CD300E: variants seen among roughly 807,000 people sequenced by gnomAD.
CD300E encodes CD300e molecule.
Under a neutral mutation model 20.9 loss-of-function variants are expected in CD300E, and 14 were observed. That is an observed-to-expected ratio of 0.67 (90% CI 0.44 to 1.05). The LOEUF (loss-of-function observed/expected upper bound fraction) is 1.05. CD300E is among the 50% of genes least tolerant of loss of function. The probability of loss-of-function intolerance (pLI) is 0.00; values close to 1 mark genes in which losing one functional copy is unlikely to be tolerated. For synonymous variants in CD300E, 102 were observed against 103.7 expected (o/e 0.98, Z 0.10); for missense variants, 237 against 253.9 (o/e 0.93, Z 0.45).
Position 74,617,081 on chromosome 17 carries a change from C to T in CD300E, c.388+37G>A. 2.5e-6 allele frequency: 4 copies of T among 1,590,978 alleles called. No homozygotes were observed. In the South Asian group the frequency reaches 4.4e-5, roughly 18 times the overall value. On this transcript the variant is annotated intron_variant, in intron 2 of 3. Transcript: ENST00000392619. ...ACCCTTGTTCCCTTGTCCAGTCGCACCCCAAACCCTGCTGCCAAAGTGAGG... is the reference window on the plus strand; with the variant it reads ...ACCCTTGTTCCCTTGTCCAGTCGCATCCCAAACCCTGCTGCCAAAGTGAGG...
rs546418975 is a variant in CD300E, at chr17:74,614,063, G to A, written c.389-30C>T. On this transcript the variant is annotated intron_variant, in intron 2 of 3. Transcript: ENST00000392619. ...TGGAGATGAAAATGATGCATCAGCCGTGCCTGGGCTCCCAGCCATGCACAG... is the reference window on the plus strand; with the variant it reads ...TGGAGATGAAAATGATGCATCAGCCATGCCTGGGCTCCCAGCCATGCACAG... The A allele has an allele frequency of 9.0e-5, 140 of 1,547,540 alleles. 1 individual carries two copies. The highest frequency in any genetic ancestry group is 6.8e-4 in the South Asian group (61 of 89,276).
At chr17:74,614,168 C>T (rs1219997633) in intron 2 of CD300E, 135 bp from the exon 3 acceptor site, 8 of 707,406 alleles carry the variant, frequency 1.1e-5, no homozygotes, top group Non-Finnish European at 1.9e-5. Context: ...ATCCAGGGCA[C>T]CTCCTGGGTG....
intron 3 of CD300E, 45 bp downstream of exon 3, chr17:74,613,879 AC>A: frequency 7.4e-7 from 1 of 1,358,178 alleles, no homozygotes; most frequent in Non-Finnish European, 1.0e-6. Context: ...CCCAGCTTCC[AC>A]CCCAGGGTTG....
chr17:74,611,017 T>C lies in CD300E; in HGVS notation c.*1636A>G, dbSNP rs377447134. The C allele has an allele frequency of 6.6e-6, 1 of 152,272 alleles. No individual in the cohort carries two copies. The highest frequency in any genetic ancestry group is 2.4e-5 in the African/African-American group (1 of 41,434). 9.4% of individuals were successfully genotyped at this position (152,272 alleles called of 1,614,324 possible). On this transcript the variant is annotated 3_prime_UTR_variant, in exon 4 of 4. Transcript: ENST00000392619. ...TGACCTGGCCAGCTTGGCATGATATTCTCCTCACCAACCCCCTGACATCAG... is the reference window on the plus strand; with the variant it reads ...TGACCTGGCCAGCTTGGCATGATATCCTCCTCACCAACCCCCTGACATCAG...
At chr17:74,620,541 G>A (rs1017581141) in intron 1 of CD300E, among the ~76,000 whole-genome samples, 2 of 152,116 alleles carry the variant, frequency 1.3e-5, no homozygotes, top group Non-Finnish European at 2.9e-5. Flanking sequence ...TACTCAGGAG[G>A]CTGAGGCAGG....
Position 74,617,238 on chromosome 17 carries a change from TCA to T in CD300E, c.266_267del (p.Val89AspfsTer7), listed in dbSNP as rs2030921693. On this transcript the variant is annotated frameshift_variant, in exon 2 of 4. Transcript: ENST00000392619. LOFTEE classifies it high-confidence loss of function. ...TCATCTTCATTGAGGTTCTGCATGG[TCA>T]CAGTGAAGGCGAGAGCCTCCGGGTG... ...RDHPEALAFT[V>X]TMQNLNEDDA... The T allele has an allele frequency of 6.2e-7, 1 of 1,614,074 alleles. No individual in the cohort carries two copies. The highest frequency in any genetic ancestry group is 1.3e-5 in the African/African-American group (1 of 74,908).
chr17:74,615,558 C>T (rs1054436765), intron 2 of CD300E, among the ~76,000 whole-genome samples: 1 of 152,118 alleles, frequency 6.6e-6, no homozygotes, highest in African/African-American at 2.4e-5. Context: ...CCACAGGCAC[C>T]ATTTTCTCAC....
chr17:74,619,477 G>A, intron 1 of CD300E: 1 of 188,360 alleles, frequency 5.3e-6, no homozygotes, highest in Non-Finnish European at 1.1e-5. Context: ...TTGCGTAAGA[G>A]CTGGCCTGGC....
chr17:74,617,542 G>A, intron 1 of CD300E, 77 bp from the exon 2 acceptor site: 1 of 1,288,444 alleles, frequency 7.8e-7, no homozygotes, highest in African/African-American at 1.5e-5. Context: ...AGCTTAAGGG[G>A]AAGATTGCCA....
At chr17:74,616,175 A>G (rs1474845036) in intron 2 of CD300E, among the ~76,000 whole-genome samples, 1 of 152,084 alleles carries the variant, frequency 6.6e-6, no homozygotes, top group East Asian at 1.9e-4. Context: ...GGGGGCAATA[A>G]ATTGGCGGAA....
rs2143349124 is a variant in CD300E at position 74,612,081 on chromosome 17, T to G, written c.*572A>C. The G allele has an allele frequency of 6.5e-6, 1 of 152,784 alleles. No individual in the cohort carries two copies. Among genetic ancestry groups the G allele is most frequent in the African/African-American group, 2.4e-5 (1 of 41,588 alleles). 9.5% of individuals were successfully genotyped at this position (152,784 alleles called of 1,614,324 possible). A position where few individuals can be genotyped will look rare whatever the true frequency, so the allele number is the denominator to read the frequency against. ...AGGGGTGTGTCCTCAGGGAGACTCC[T>G]GTCTGCAGGAAGGAGGTAGTTATTG... On this transcript the variant is annotated 3_prime_UTR_variant, in exon 4 of 4. Transcript: ENST00000392619.
At chr17:74,613,887 G>T (rs762824645) in intron 3 of CD300E, 38 bp downstream of exon 3, 6 of 1,466,184 alleles carry the variant, frequency 4.1e-6, no homozygotes, top group Non-Finnish European at 5.7e-6. Context: ...CCACCCCAGG[G>T]TTGCTCCCTC....
At chr17:74,613,798 G>T in intron 3 of CD300E, 127 bp downstream of exon 3, 1 of 631,694 alleles carries the variant, frequency 1.6e-6, no homozygotes, top group Non-Finnish European at 2.9e-6. Context: ...GAGAGTATGA[G>T]AATCAGGACC....
In CD300E at chr17:74,611,479, C is replaced by A. The variant is rs2030777059; in HGVS notation, c.*1174G>T. Reference sequence around the variant, plus strand: ...GTCCTCCCCACAAACTTTAGGGAAACAGAGTAATTGACAAACATTCAGAAA... The same window carrying A: ...GTCCTCCCCACAAACTTTAGGGAAAAAGAGTAATTGACAAACATTCAGAAA... On this transcript the variant is annotated 3_prime_UTR_variant, in exon 4 of 4. Transcript: ENST00000392619. 1 of 152,310 alleles carries A rather than the reference C, an allele frequency of 6.6e-6. No individual in the cohort carries two copies. Among genetic ancestry groups the A allele is most frequent in the African/African-American group, 2.4e-5 (1 of 41,460 alleles). The allele number at this position is 152,310 out of a possible 1,614,324, so 9.4% of individuals were successfully genotyped here. A position where few individuals can be genotyped will look rare whatever the true frequency, so the allele number is the denominator to read the frequency against.
At position 74,617,265 on chromosome 17, in the gene CD300E, G is replaced by T; in HGVS notation, c.241C>A (p.His81Asn). 1 of 1,614,200 alleles carries T rather than the reference G, an allele frequency of 6.2e-7. No homozygotes were observed. Among genetic ancestry groups the T allele is most frequent in the African/African-American group, 1.3e-5 (1 of 75,026 alleles). ...ACAGTGAAGGCGAGAGCCTCCGGGT[G>T]GTCTCTGATGGACACGCGGCCATTC... ...ERNGRVSIRDHPEALAFTVTM... is the reference protein window; with the variant it reads ...ERNGRVSIRDNPEALAFTVTM... The change falls in exon 2 of 4, where the codon CAC becomes AAC. Residue 81 changes from histidine to asparagine, a missense_variant. By Grantham distance (68) the His-to-Asn change is moderately conservative. Transcript: ENST00000392619.
chr17:74,615,243 A>T lies in CD300E; in HGVS notation c.389-1210T>A, dbSNP rs565536087. Among the ~76,000 whole-genome samples the T allele has an allele frequency of 2.5e-3, 385 of 152,320 alleles. 2 individuals are homozygous for T. The highest frequency in any genetic ancestry group is 4.7e-3 in the Non-Finnish European group (317 of 68,024). On this transcript the variant is annotated intron_variant, in intron 2 of 3. Transcript: ENST00000392619. ...ATGGGATGCTTTTGGGAAGTGAGAG[A>T]CATGATAGAGTGTGAGTCTGAGGAC...
chr17:74,613,997 G>A lies in CD300E; in HGVS notation c.425C>T (p.Thr142Ile). ...GTTCACCACCAGGAAGATGGGAGGT[G>A]TGGCTGGATGTGTGGTCCTCCTTGG... Reference protein sequence around the residue: ...TTPRRTTHPATPPIFLVVNPG... With the variant: ...TTPRRTTHPAIPPIFLVVNPG... Residue 142 changes from threonine to isoleucine, a missense_variant, in exon 3 of 4, where the codon ACA becomes ATA. By Grantham distance (89) the Thr-to-Ile change is moderately conservative. Transcript: ENST00000392619. The A allele has an allele frequency of 3.1e-6, 5 of 1,614,070 alleles. No individual in the cohort carries two copies. Among genetic ancestry groups the A allele is most frequent in the Non-Finnish European group, 4.2e-6 (5 of 1,179,956 alleles).
At chr17:74,623,324 T>C (rs1042813117) in intron 1 of CD300E, among the ~76,000 whole-genome samples, 1 of 152,242 alleles carries the variant, frequency 6.6e-6, no homozygotes, top group Non-Finnish European at 1.5e-5. Flanking sequence ...GTATTGTAGT[T>C]AGTTGACTCC....
intron 1 of CD300E, 57 bp downstream of exon 1, chr17:74,623,525 C>G: frequency 5.1e-6 from 8 of 1,568,562 alleles, no homozygotes; most frequent in Non-Finnish European, 7.0e-6. Context: ...GACAGCTCTT[C>G]TACCTACTGT....
Sources: allele counts gnomAD v4.1 joint callset (sites outside exome capture counted in the v4.1 genomes callset), GRCh38; gene constraint gnomAD v4.1.1; transcripts MANE v1.5; gene names NCBI Gene and HGNC (gene_info 2026-07-23, HGNC 2026-07-21).